Variants in PLS1 observed in about 807,000 individuals in gnomAD.
The protein encoded by PLS1 is plastin-1.
A neutral mutation model predicts 73.7 loss-of-function variants in PLS1; 32 were observed. The ratio of observed to expected loss-of-function variants is 0.43; its 90% CI spans 0.33 to 0.58. The LOEUF is 0.58. Ranked by LOEUF, PLS1 falls within the 20% of genes least tolerant of loss-of-function variation. PLS1 has a pLI of 0.04. For missense variants in PLS1, 633 were observed against 740.5 expected (o/e 0.85, Z 1.68); for synonymous variants, 217 against 261.3 (o/e 0.83, Z 1.63).
chr3:142,662,444 A>T (rs1453357171), intron 1 of PLS1, among the ~76,000 whole-genome samples: 1 of 152,166 alleles, frequency 6.6e-6, no homozygotes, highest in African/African-American at 2.4e-5. Context: ...GAGGGATAGC[A>T]TTAGGAGAAA....
chr3:142,651,817 G>A (rs1265794036), intron 1 of PLS1, among the ~76,000 whole-genome samples: 1 of 152,146 alleles, frequency 6.6e-6, no homozygotes, highest in Non-Finnish European at 1.5e-5. Context: ...TAAAAATATT[G>A]ATCTCTGACT....
chr3:142,708,881 T>A (rs1322335401), intron 14 of PLS1, among the ~76,000 whole-genome samples: 1 of 152,232 alleles, frequency 6.6e-6, no homozygotes, highest in Non-Finnish European at 1.5e-5. Context: ...AGAGATCTGA[T>A]ACAATCTTTA....
In PLS1 at chr3:142,667,152, C is replaced by T. The variant is rs555732674; in HGVS notation, c.71-2238C>T. Among the ~76,000 whole-genome samples, 20 of 152,338 alleles carry T rather than the reference C, an allele frequency of 1.3e-4. No homozygotes were observed. In the South Asian group the frequency reaches 3.7e-3, roughly 28 times the overall value. ...CATGAGATGGCCGGGTGCGGTGGCTCACGCCTGTAATCCCAGCCCTTTGGG... is the reference window on the plus strand; with the variant it reads ...CATGAGATGGCCGGGTGCGGTGGCTTACGCCTGTAATCCCAGCCCTTTGGG... On this transcript the variant is annotated intron_variant, in intron 2 of 15. Transcript: ENST00000457734.
chr3:142,648,048 T>C (rs917418604), intron 1 of PLS1, among the ~76,000 whole-genome samples: 1 of 152,172 alleles, frequency 6.6e-6, no homozygotes, highest in African/African-American at 2.4e-5. Context: ...CCTTACTAAG[T>C]TGTAAACTCT....
At chr3:142,635,627 GATATAAC>G (rs2036667385) in intron 1 of PLS1, among the ~76,000 whole-genome samples, 1 of 151,920 alleles carries the variant, frequency 6.6e-6, no homozygotes, top group South Asian at 2.1e-4. Context: ...TTTGAATAGA[GATATAAC>G]ATGGTGATGA....
chr3:142,637,593 T>G (rs2036722130), intron 1 of PLS1, among the ~76,000 whole-genome samples: 1 of 152,168 alleles, frequency 6.6e-6, no homozygotes, highest in South Asian at 2.1e-4. Flanking sequence ...TGAAAAGCTT[T>G]AACATCATGG....
intron 1 of PLS1, among the ~76,000 whole-genome samples, chr3:142,634,580 G>A (rs2036637103): frequency 6.6e-6 from 1 of 152,042 alleles, no homozygotes; most frequent in South Asian, 2.1e-4. Flanking sequence ...ATAAGATAGT[G>A]GAGGAACATT....
chr3:142,609,685 T>TA (rs1342657490), intron 1 of PLS1, among the ~76,000 whole-genome samples: 1 of 152,246 alleles, frequency 6.6e-6, no homozygotes. Flanking sequence ...AATTACTTGA[T>TA]AAAAAATTGT....
At chr3:142,615,027 AGGGTGG>A (rs2036190207) in intron 1 of PLS1, among the ~76,000 whole-genome samples, 1 of 152,048 alleles carries the variant, frequency 6.6e-6, no homozygotes, top group Admixed American at 6.5e-5. Context: ...GGATCTGGGT[AGGGTGG>A]GCAGAACACG....
chr3:142,602,983 C>G (rs1043262904), intron 1 of PLS1, among the ~76,000 whole-genome samples: 1 of 152,242 alleles, frequency 6.6e-6, no homozygotes, highest in Admixed American at 6.5e-5. Flanking sequence ...GGCCCTCATT[C>G]TCTCAACATT....
intron 6 of PLS1, among the ~76,000 whole-genome samples, chr3:142,679,698 C>T (rs2037806269): frequency 6.6e-6 from 1 of 151,670 alleles, no homozygotes; most frequent in Non-Finnish European, 1.5e-5. Context: ...AGTTTGAAGT[C>T]AGGTAGCGTG....
intron 1 of PLS1, among the ~76,000 whole-genome samples, chr3:142,600,908 A>AT (rs2035909819): frequency 2.5e-4 from 7 of 27,526 alleles, no homozygotes; most frequent in African/African-American, 1.3e-3. Context: ...ATATATATAT[A>AT]TATATATATT....
chr3:142,667,703 T>C (rs1335479979), intron 2 of PLS1, among the ~76,000 whole-genome samples: 1 of 152,236 alleles, frequency 6.6e-6, no homozygotes, highest in Non-Finnish European at 1.5e-5. Context: ...TAGTTTAACA[T>C]GATCGTTATT....
chr3:142,686,625 G>A (rs2037972450), intron 9 of PLS1, among the ~76,000 whole-genome samples: 1 of 152,112 alleles, frequency 6.6e-6, no homozygotes, highest in Admixed American at 6.5e-5. Context: ...TTTTGACTAT[G>A]AATTTGAATT....
intron 11 of PLS1, among the ~76,000 whole-genome samples, chr3:142,697,499 A>C (rs752587901): frequency 2.6e-5 from 4 of 152,192 alleles, no homozygotes; most frequent in Non-Finnish European, 4.4e-5. Context: ...CTTAGCATAT[A>C]TAGGTACATA....
intron 1 of PLS1, among the ~76,000 whole-genome samples, chr3:142,629,920 C>G (rs1196738407): frequency 1.3e-5 from 2 of 152,104 alleles, no homozygotes; most frequent in African/African-American, 2.4e-5. Flanking sequence ...AAAAATGTCT[C>G]CAGACATTGC....
chr3:142,641,783 A>T (rs2036847156), intron 1 of PLS1, among the ~76,000 whole-genome samples: 1 of 151,772 alleles, frequency 6.6e-6, no homozygotes, highest in African/African-American at 2.4e-5. Context: ...TTTAGGGGAG[A>T]TGGTGTGAAT....
chr3:142,678,871 T>C (rs1162798740), intron 6 of PLS1, among the ~76,000 whole-genome samples: 3 of 151,900 alleles, frequency 2.0e-5, no homozygotes, highest in South Asian at 4.2e-4. Context: ...ATGGTTGAAC[T>C]AGTTTACAGT....
intron 1 of PLS1, among the ~76,000 whole-genome samples, chr3:142,617,545 A>C (rs1160773749): frequency 1.3e-5 from 2 of 152,140 alleles, no homozygotes; most frequent in Admixed American, 1.3e-4. Flanking sequence ...TCAAGGAAAA[A>C]ATTCAGAAAT....
Sources: allele counts gnomAD v4.1 joint callset (sites outside exome capture counted in the v4.1 genomes callset), GRCh38; gene constraint gnomAD v4.1.1; transcripts MANE v1.5; gene names NCBI Gene and HGNC (gene_info 2026-07-23, HGNC 2026-07-21).